The following MYO5B variants were observed in gnomAD, a reference collection of about 807,000 sequenced individuals.
MYO5B encodes unconventional myosin-Vb.
MYO5B carries 143 observed loss-of-function variants against 229.3 expected under a neutral mutation model. The observed-to-expected ratio is 0.62, with a 90% CI of 0.54 to 0.72. The LOEUF is 0.72. Ranked by LOEUF, MYO5B falls within the 30% of genes least tolerant of loss-of-function variation. The probability of loss-of-function intolerance (pLI) is 0.00; values close to 1 mark genes in which losing one functional copy is unlikely to be tolerated. For synonymous variants in MYO5B, 918 were observed against 885.2 expected (o/e 1.04, Z -0.66); for missense variants, 2,321 against 2,331.0 (o/e 1.00, Z 0.09).
At chr18:49,900,911 G>A (rs928409717) in intron 21 of MYO5B, among the ~76,000 whole-genome samples, 3 of 152,166 alleles carry the variant, frequency 2.0e-5, no homozygotes, top group South Asian at 2.1e-4. Context: ...TAAAAAACCC[G>A]CAATGCCCCC....
intron 28 of MYO5B, 90 bp downstream of exon 28, chr18:49,864,051 A>G: frequency 6.4e-7 from 1 of 1,570,178 alleles, no homozygotes; most frequent in Non-Finnish European, 8.6e-7. Flanking sequence ...CAGGTTTTAG[A>G]CCCTCGTGGG....
chr18:49,861,237 T>G (rs752268872), intron 29 of MYO5B, among the ~76,000 whole-genome samples: 1 of 152,228 alleles, frequency 6.6e-6, no homozygotes, highest in Non-Finnish European at 1.5e-5. Context: ...CTATTTTTAT[T>G]TTATCACCAT....
intron 1 of MYO5B, among the ~76,000 whole-genome samples, chr18:50,104,888 A>G (rs2031726708): frequency 6.6e-6 from 1 of 152,154 alleles, no homozygotes; most frequent in Admixed American, 6.5e-5. Flanking sequence ...AACACCAGCA[A>G]TCACAGAACT....
At chr18:49,850,633 T>C (rs1236251683) in intron 31 of MYO5B, 1 of 152,102 alleles carries the variant, frequency 6.6e-6, no homozygotes, top group Non-Finnish European at 1.5e-5. Context: ...GAGAGGCCAG[T>C]TGGTAGAAAG....
intron 14 of MYO5B, among the ~76,000 whole-genome samples, chr18:49,947,987 A>G (rs896492804): frequency 6.6e-6 from 1 of 152,198 alleles, no homozygotes; most frequent in Non-Finnish European, 1.5e-5. Context: ...AGCATTAGGT[A>G]TACCTCCTAA....
intron 39 of MYO5B, among the ~76,000 whole-genome samples, chr18:49,828,607 A>T (rs1001650680): frequency 6.6e-6 from 1 of 152,214 alleles, no homozygotes; most frequent in Non-Finnish European, 1.5e-5. Flanking sequence ...GGAACACCCC[A>T]CTTAGCAGCA....
intron 4 of MYO5B, among the ~76,000 whole-genome samples, chr18:50,023,848 G>A (rs2026302989): frequency 6.6e-6 from 1 of 152,062 alleles, no homozygotes; most frequent in African/African-American, 2.4e-5. Flanking sequence ...GCCTAGACCG[G>A]GTATCATGCG....
At chr18:49,846,816 C>CAT (rs2024133658) in intron 33 of MYO5B, among the ~76,000 whole-genome samples, 4 of 151,226 alleles carry the variant, frequency 2.6e-5, no homozygotes, top group South Asian at 2.1e-4. Context: ...CTGTGGCCTG[C>CAT]AGAGAGCTGC....
chr18:49,975,085 T>C (rs1259687100), intron 9 of MYO5B, among the ~76,000 whole-genome samples: 2 of 152,164 alleles, frequency 1.3e-5, no homozygotes, highest in African/African-American at 2.4e-5. Context: ...GCAGTTTGCA[T>C]CTGCTGAGGT....
chr18:50,186,746 A>T (rs1320972223), intron 1 of MYO5B, among the ~76,000 whole-genome samples: 2 of 152,150 alleles, frequency 1.3e-5, no homozygotes, highest in Non-Finnish European at 2.9e-5. Flanking sequence ...GCCTCCAGTA[A>T]CCTTCCCATG....
chr18:49,963,628 A>T (rs564876358), intron 10 of MYO5B, among the ~76,000 whole-genome samples: 123 of 152,134 alleles, frequency 8.1e-4, no homozygotes, highest in African/African-American at 2.7e-3. Flanking sequence ...AGGTTTTGCC[A>T]TGTTGTCCAA....
intron 24 of MYO5B, among the ~76,000 whole-genome samples, chr18:49,878,546 T>C (rs1407467207): frequency 6.6e-6 from 1 of 152,174 alleles, no homozygotes; most frequent in Non-Finnish European, 1.5e-5. Context: ...ATTGTCTCTA[T>C]GTATACTGCA....
intron 14 of MYO5B, among the ~76,000 whole-genome samples, chr18:49,950,706 G>A (rs1002408801): frequency 1.3e-5 from 2 of 152,126 alleles, no homozygotes; most frequent in African/African-American, 4.8e-5. Context: ...ATGGGTCAAG[G>A]AGTGGGAAAG....
chr18:50,123,358 A>G (rs1285243552), intron 1 of MYO5B, among the ~76,000 whole-genome samples: 1 of 152,208 alleles, frequency 6.6e-6, no homozygotes, highest in Non-Finnish European at 1.5e-5. Context: ...GTGTTTGCAC[A>G]ACATTGTGGA....
intron 1 of MYO5B, among the ~76,000 whole-genome samples, chr18:50,090,395 A>G (rs973273740): frequency 1.3e-5 from 2 of 151,992 alleles, no homozygotes; most frequent in African/African-American, 4.8e-5. Flanking sequence ...TCCATGTAAG[A>G]CACACTTTGT....
At chr18:50,053,306 G>A (rs1316290516) in intron 2 of MYO5B, among the ~76,000 whole-genome samples, 1 of 152,174 alleles carries the variant, frequency 6.6e-6, no homozygotes, top group Non-Finnish European at 1.5e-5. Context: ...GGAAGGAGGA[G>A]ATGGGGTCTG....
intron 1 of MYO5B, among the ~76,000 whole-genome samples, chr18:50,172,928 G>A (rs562181536): frequency 6.6e-6 from 1 of 152,346 alleles, no homozygotes; most frequent in South Asian, 2.1e-4. Flanking sequence ...TAGGTGCAAA[G>A]GCACTGAGGT....
At chr18:49,959,732 G>A (rs893993857) in intron 12 of MYO5B, among the ~76,000 whole-genome samples, 2 of 152,174 alleles carry the variant, frequency 1.3e-5, no homozygotes, top group African/African-American at 2.4e-5. Flanking sequence ...CTGTTCCTCT[G>A]AGAGAAAGTG....
chr18:50,012,282 T>C (rs2026170099), intron 4 of MYO5B, among the ~76,000 whole-genome samples: 1 of 152,212 alleles, frequency 6.6e-6, no homozygotes, highest in Non-Finnish European at 1.5e-5. Flanking sequence ...CTGGCAGCAA[T>C]TCAAATACCT....
Sources: gnomAD v4.1 joint callset for allele counts (sites outside exome capture counted in the v4.1 genomes callset) on GRCh38, gnomAD v4.1.1 for gene constraint, MANE v1.5 for transcripts, NCBI Gene and HGNC (gene_info 2026-07-23, HGNC 2026-07-21) for gene names.